The following GCNT1 variants were observed in gnomAD, a reference collection of about 807,000 sequenced individuals.
GCNT1 encodes glucosaminyl (N-acetyl) transferase 1.
GCNT1 carries 16 observed loss-of-function variants against 26.2 expected under a neutral mutation model. The observed-to-expected ratio is 0.61, with a 90% CI of 0.41 to 0.93. GCNT1 has a LOEUF of 0.93. GCNT1 is among the 40% of genes least tolerant of loss of function. The pLI is 0.00. For missense variants in GCNT1, 477 were observed against 526.7 expected, an observed-to-expected ratio of 0.91 and a Z score of 0.92; for synonymous variants, 183 against 190.8, an observed-to-expected ratio of 0.96 and a Z score of 0.34.
chr9:76,481,710 A>AG (rs1824427623), intron 2 of GCNT1, among the ~76,000 whole-genome samples: 3 of 152,234 alleles, frequency 2.0e-5, no homozygotes, highest in African/African-American at 7.2e-5. Context: ...AGAACTACGA[A>AG]GGGTCTGAGA....
chr9:76,465,705 T>C (rs1320921987), intron 2 of GCNT1, among the ~76,000 whole-genome samples: 1 of 152,190 alleles, frequency 6.6e-6, no homozygotes. Flanking sequence ...AGTCACCCAG[T>C]GATGGCGTAG....
chr9:76,414,511 A>C, the GCNT1 span, among the ~76,000 whole-genome samples: 1 of 152,224 alleles, frequency 6.6e-6, no homozygotes, highest in Non-Finnish European at 1.5e-5. Context: ...CCATAGGCAG[A>C]GCAACCAGGG....
At chr9:76,443,379 T>C (rs1823511032) in intron 1 of GCNT1, among the ~76,000 whole-genome samples, 4 of 152,218 alleles carry the variant, frequency 2.6e-5, no homozygotes. Flanking sequence ...GCATTGTTTC[T>C]ATAGATATTA....
At position 76,494,853 on chromosome 9, in the gene GCNT1, TTC is replaced by T. The variant is rs1480450567; in HGVS notation, c.-289-6061_-289-6060del. Among the ~76,000 whole-genome samples, 13 of 152,230 alleles carry T rather than the reference TTC, an allele frequency of 8.5e-5. No individual in the cohort carries two copies. In the East Asian group the frequency reaches 2.5e-3, roughly 29 times the overall value. On this transcript the variant is annotated intron_variant, in intron 2 of 3. Transcript: ENST00000376730. ...CTCTTGGCTACAGGGTCAGCCAACT[TTC>T]TGTCAGGACCCCGGAGCTGAATGGC...
At chr9:76,466,330 C>T (rs904864577) in intron 2 of GCNT1, among the ~76,000 whole-genome samples, 4 of 152,204 alleles carry the variant, frequency 2.6e-5, no homozygotes, top group African/African-American at 9.6e-5. Context: ...TTGACAGGAT[C>T]TCTCTCCATT....
chr9:76,472,753 T>TC (rs1157285776), intron 2 of GCNT1, among the ~76,000 whole-genome samples: 296 of 76,190 alleles, frequency 3.9e-3, no homozygotes, highest in African/African-American at 0.017. Flanking sequence ...TCTTTTCTTT[T>TC]TTTTTTTTTT....
intron 2 of GCNT1, among the ~76,000 whole-genome samples, chr9:76,486,032 A>G (rs1305700018): frequency 6.6e-6 from 1 of 152,206 alleles, no homozygotes; most frequent in Non-Finnish European, 1.5e-5. Flanking sequence ...GTGCCTGGCC[A>G]GATCCTGTCT....
upstream of GCNT1, among the ~76,000 whole-genome samples, chr9:76,419,101 C>T (rs1220348381): frequency 6.6e-6 from 1 of 152,100 alleles, no homozygotes; most frequent in Non-Finnish European, 1.5e-5. Context: ...TTTTCTGAGT[C>T]CCAACATTGC....
At chr9:76,410,760 T>C in the GCNT1 span, among the ~76,000 whole-genome samples, 1 of 152,196 alleles carries the variant, frequency 6.6e-6, no homozygotes, top group Non-Finnish European at 1.5e-5. Context: ...CCATTGATGG[T>C]GCTGTTGAGT....
At chr9:76,467,215 T>C (rs1461455759) in intron 2 of GCNT1, among the ~76,000 whole-genome samples, 1 of 152,186 alleles carries the variant, frequency 6.6e-6, no homozygotes, top group Non-Finnish European at 1.5e-5. Flanking sequence ...GCTAATTTTT[T>C]GTATTTTTAG....
chr9:76,493,135 T>C (rs1009367658), intron 2 of GCNT1, among the ~76,000 whole-genome samples: 3 of 152,162 alleles, frequency 2.0e-5, no homozygotes, highest in African/African-American at 7.2e-5. Context: ...CATTGAATAA[T>C]TCATGGGCTT....
intron 2 of GCNT1, among the ~76,000 whole-genome samples, chr9:76,482,415 A>C (rs963540908): frequency 1.4e-4 from 21 of 151,474 alleles, no homozygotes; most frequent in Non-Finnish European, 2.5e-4. Context: ...AGGTCAGGAG[A>C]TCGAGACCAT....
At chr9:76,469,582 G>T (rs928247836) in intron 2 of GCNT1, among the ~76,000 whole-genome samples, 6 of 152,086 alleles carry the variant, frequency 3.9e-5, no homozygotes, top group African/African-American at 1.4e-4. Flanking sequence ...TGTTTGTTAC[G>T]GCTTGAGCTG....
rs950894279 is a variant in GCNT1 at position 76,467,903 on chromosome 9, T to G, written c.-290+7726T>G. 2.6e-3 allele frequency among the ~76,000 whole-genome samples: 335 copies of G among 127,052 alleles called. 2 individuals carry two copies. The highest frequency in any genetic ancestry group is 0.01 in the African/African-American group (316 of 31,068). 83.4% of individuals were successfully genotyped at this position (127,052 alleles called of 152,430 possible). On this transcript the variant is annotated intron_variant, in intron 2 of 3. Transcript: ENST00000376730. ...CAGTGGTCCCTCTTTCAGTGTTTTT[T>G]TTTTTTTTTTTTTTTTTTTTTTTGA...
At chr9:76,478,252 G>A (rs544500371) in intron 2 of GCNT1, among the ~76,000 whole-genome samples, 5 of 152,162 alleles carry the variant, frequency 3.3e-5, no homozygotes, top group East Asian at 1.9e-4. Flanking sequence ...CTTTGCGTCC[G>A]CACTACCTTT....
At chr9:76,489,437 GAAC>G (rs1212739065) in intron 2 of GCNT1, among the ~76,000 whole-genome samples, 1 of 152,138 alleles carries the variant, frequency 6.6e-6, no homozygotes, top group Non-Finnish European at 1.5e-5. Context: ...AAGAGCAAAA[GAAC>G]AAAGCTTCCA....
chr9:76,394,703 G>C, the GCNT1 span, among the ~76,000 whole-genome samples: 2 of 152,220 alleles, frequency 1.3e-5, no homozygotes, highest in Non-Finnish European at 2.9e-5. Flanking sequence ...TTCAGCCTGA[G>C]AGCCGCGAAA....
upstream of GCNT1, among the ~76,000 whole-genome samples, chr9:76,438,728 C>T (rs191065549): frequency 5.1e-3 from 764 of 149,712 alleles, 9 homozygotes; most frequent in Non-Finnish European, 5.4e-3. Flanking sequence ...TTTGGCTTCC[C>T]TGGGCCACAT....
At chr9:76,498,412 T>C (rs569271664) in intron 2 of GCNT1, among the ~76,000 whole-genome samples, 84 of 152,294 alleles carry the variant, frequency 5.5e-4, no homozygotes, top group African/African-American at 2.0e-3. Flanking sequence ...CTAAAGCAGC[T>C]TCACCAAGCA....
Sources: gnomAD v4.1 joint callset for allele counts (sites outside exome capture counted in the v4.1 genomes callset) on GRCh38, gnomAD v4.1.1 for gene constraint, MANE v1.5 for transcripts, NCBI Gene and HGNC (gene_info 2026-07-23, HGNC 2026-07-21) for gene names.